Variants in KIR2DL4 observed in about 807,000 individuals in gnomAD.
The protein encoded by KIR2DL4 is killer cell immunoglobulin like receptor, two Ig domains and long cytoplasmic tail 4, also known as killer cell immunoglobulin-like receptor 2DL4.
KIR2DL4 carries 41 observed loss-of-function variants against 31.0 expected under a neutral mutation model. The ratio of observed to expected loss-of-function variants is 1.32; its 90% CI spans 1.03 to 1.72. KIR2DL4 has a LOEUF of 1.72. Among genes scored for constraint, KIR2DL4 ranks in the 40% most tolerant of loss-of-function variants. The pLI is 0.00. For synonymous variants in KIR2DL4, 164 were observed against 133.6 expected (o/e 1.23, Z -1.57); for missense variants, 438 against 353.7 (o/e 1.24, Z -1.91).
chr19:54,806,069 G>A (rs374413343), exon 4 of KIR2DL4: 244,862 of 1,611,398 alleles, frequency 0.15, 22,952 homozygotes, highest in Non-Finnish European at 0.17. Flanking sequence ...TATCCAGGGA[G>A]GGGGAAGCCC....
chr19:54,813,373 G>T, intron 6 of KIR2DL4: 1 of 1,308,064 alleles, frequency 7.6e-7, no homozygotes, highest in Non-Finnish European at 1.0e-6. Context: ...GAGAGCACCA[G>T]ACACCCTGCC....
chr19:54,806,049 A>G lies in KIR2DL4; in HGVS notation c.460A>G (p.Ile154Val), dbSNP rs1470201087. 16 of 1,611,528 alleles carry G rather than the reference A, an allele frequency of 9.9e-6. No homozygotes were observed. The South Asian group carries it at 1.7e-4, about 17-fold the overall frequency. ...CTGCAGCTCCCAGAGCTCCTTTGAC[A>G]TCTACCATCTATCCAGGGAGGGGGA... The change falls in exon 4 of 8, where the codon ATC becomes GTC. Residue 154 changes from isoleucine to valine, a missense_variant. Physicochemically the swap from Ile to Val is conservative, Grantham distance 29 (BLOSUM62 3). Coordinates refer to ENST00000359085, the Ensembl canonical transcript of KIR2DL4.
rs780994346 is a variant in KIR2DL4 at position 54,813,235 on chromosome 19, C to T, written c.810+7C>T. The T allele has an allele frequency of 5.0e-6, 8 of 1,592,282 alleles. 1 individual carries two copies. The highest frequency in any genetic ancestry group is 6.8e-6 in the Non-Finnish European group (8 of 1,173,748). On this transcript the variant is annotated splice_region_variant and intron_variant, in intron 6 of 7. Coordinates refer to ENST00000359085, the Ensembl canonical transcript of KIR2DL4. ...CTGGTGCTCCAAAAAAAAAGTAAGC[C>T]TCACGAAGCAGAGGCCAGAGAACTC...
chr19:54,806,128 C>T, exon 4 of KIR2DL4: 1 of 1,612,140 alleles, frequency 6.2e-7, no homozygotes, highest in East Asian at 2.2e-5. Context: ...ACATTCCAGG[C>T]CGACTTCCCT....
chr19:54,812,453 C>A (rs2060918529), intron 5 of KIR2DL4, among the ~76,000 whole-genome samples: 1 of 151,316 alleles, frequency 6.6e-6, no homozygotes, highest in Non-Finnish European at 1.5e-5. Flanking sequence ...ACAGCCCAGG[C>A]TGTTCTGAGA....
At chr19:54,813,001 G>C in intron 5 of KIR2DL4, 1 of 655,732 alleles carries the variant, frequency 1.5e-6, no homozygotes, top group Non-Finnish European at 2.5e-6. Flanking sequence ...TGGGTCTCCC[G>C]CCTCGTGGGT....
rs1601103751 is a variant in KIR2DL4, at chr19:54,803,746, G to A, written c.40+55G>A. On this transcript the variant is annotated intron_variant, in intron 1 of 7. Transcript: ENST00000359085. The stretch of plus-strand genomic sequence containing the variant: ...GTTACACTATGGGCCTGCAGATTGG[G>A]TGTCTCCCCAGCAGAGAGCCATGTT... The A allele has an allele frequency of 5.7e-6, 9 of 1,588,718 alleles. 2 individuals are homozygous for A. Among genetic ancestry groups the A allele is most frequent in the South Asian group, 1.1e-5 (1 of 89,620 alleles).
At chr19:54,804,561 G>T (rs973823072) in intron 2 of KIR2DL4, among the ~76,000 whole-genome samples, 1 of 151,042 alleles carries the variant, frequency 6.6e-6, no homozygotes, top group Non-Finnish European at 1.5e-5. Context: ...AACTAATCTT[G>T]CAGTATTAAA....
intron 5 of KIR2DL4, among the ~76,000 whole-genome samples, chr19:54,810,151 C>T (rs185767446): frequency 0.14 from 20,969 of 149,528 alleles, 1,971 homozygotes; most frequent in Middle Eastern, 0.19. Flanking sequence ...CAGTGTCTCC[C>T]TCTGTGCCCC....
chr19:54,807,497 G>A (rs1405677176), intron 4 of KIR2DL4, among the ~76,000 whole-genome samples: 2 of 151,000 alleles, frequency 1.3e-5, no homozygotes, highest in South Asian at 2.1e-4. Flanking sequence ...GAGTGCAATG[G>A]CACCACCTGG....
chr19:54,811,256 G>A (rs1311836038), intron 5 of KIR2DL4, among the ~76,000 whole-genome samples: 1 of 150,724 alleles, frequency 6.6e-6, no homozygotes, highest in East Asian at 1.9e-4. Flanking sequence ...AAACTAGCTG[G>A]GGGTGGTGGC....
chr19:54,813,031 T>G lies in KIR2DL4; in HGVS notation c.707-94T>G, dbSNP rs1315949613. ...GTGGGTGCTTGTCTTAAAGAGGTGTTTTATGTGGTTGCCTGGCAACCAAGA... is the reference window on the plus strand; with the variant it reads ...GTGGGTGCTTGTCTTAAAGAGGTGTGTTATGTGGTTGCCTGGCAACCAAGA... On this transcript the variant is annotated intron_variant, in intron 5 of 7. Coordinates refer to ENST00000359085, the Ensembl canonical transcript of KIR2DL4. 7 of 964,296 alleles carry G rather than the reference T, an allele frequency of 7.3e-6. 1 individual carries two copies. The African/African-American group carries it at 1.4e-4, about 20-fold the overall frequency. 59.7% of individuals were successfully genotyped at this position (964,296 alleles called of 1,614,324 possible).
intron 4 of KIR2DL4, among the ~76,000 whole-genome samples, chr19:54,807,202 G>A (rs1172577541): frequency 2.7e-5 from 4 of 150,706 alleles, no homozygotes; most frequent in African/African-American, 9.9e-5. Flanking sequence ...ATGACAGGAC[G>A]TTACTCTTTG....
chr19:54,814,327 G>T, exon 8 of KIR2DL4: 1 of 579,706 alleles, frequency 1.7e-6, no homozygotes, highest in Non-Finnish European at 3.0e-6. Flanking sequence ...TCACACTGAG[G>T]AACTCACAAT....
intron 4 of KIR2DL4, among the ~76,000 whole-genome samples, chr19:54,808,546 C>A (rs1204478557): frequency 2.7e-5 from 4 of 149,464 alleles, no homozygotes; most frequent in Non-Finnish European, 4.4e-5. Context: ...CATTCTGCTC[C>A]ATTGTTTTAT....
intron 2 of KIR2DL4, among the ~76,000 whole-genome samples, chr19:54,804,447 C>T (rs2060372157): frequency 1.3e-5 from 2 of 151,320 alleles, no homozygotes; most frequent in South Asian, 4.2e-4. Context: ...CATTCCAAAT[C>T]CTCTGATGGA....
Position 54,805,060 on chromosome 19 carries a change from T to G in KIR2DL4, c.344T>G (p.Leu115Arg), listed in dbSNP as rs779285952. ...GAGTGGTCGGCACCCAGCAACCCCCTGGTGATCATGGTCACAGGTCAGAGG... is the reference window on the plus strand; with the variant it reads ...GAGTGGTCGGCACCCAGCAACCCCCGGGTGATCATGGTCACAGGTCAGAGG... The change falls in exon 3 of 8, where the codon CTG (leucine) becomes CGG (arginine). Residue 115 changes from leucine (L) to arginine (R), a missense_variant. Leu to Arg is a moderately radical substitution (Grantham distance 102). Transcript: ENST00000359085. The G allele has an allele frequency of 6.4e-5, 102 of 1,605,810 alleles. 3 individuals are homozygous for G. In the East Asian group the frequency reaches 1.1e-3, roughly 18 times the overall value.
At chr19:54,811,063 G>C (rs796671305) in intron 5 of KIR2DL4, among the ~76,000 whole-genome samples, 3 of 150,934 alleles carry the variant, frequency 2.0e-5, no homozygotes, top group African/African-American at 7.4e-5. Flanking sequence ...AGAGGAGTGA[G>C]AGATACATGA....
At chr19:54,808,259 T>A (rs1290265348) in intron 4 of KIR2DL4, among the ~76,000 whole-genome samples, 4 of 150,638 alleles carry the variant, frequency 2.7e-5, no homozygotes, top group Admixed American at 2.0e-4. Flanking sequence ...TTTTTGAGGT[T>A]TTAAACAAAA....
Sources: gnomAD v4.1 joint callset for allele counts (sites outside exome capture counted in the v4.1 genomes callset) on GRCh38, gnomAD v4.1.1 for gene constraint, MANE v1.5 for transcripts, NCBI Gene and HGNC (gene_info 2026-07-23, HGNC 2026-07-21) for gene names.